Variants in DNM1L observed in about 807,000 individuals in gnomAD.
DNM1L encodes dynamin-1-like protein.
Under a neutral mutation model 92.8 loss-of-function variants are expected in DNM1L, and 33 were observed. That is an observed-to-expected ratio of 0.36 (90% CI 0.27 to 0.48). DNM1L has a LOEUF of 0.48. Among genes scored for constraint, DNM1L ranks in the 20% least tolerant of loss-of-function variants. DNM1L has a pLI of 0.99. For missense variants in DNM1L, 485 were observed against 888.8 expected (o/e 0.55, Z 5.78); for synonymous variants, 284 against 305.0 (o/e 0.93, Z 0.72).
chr12:32,736,094 CAG>C (rs1234694322), intron 13 of DNM1L, among the ~76,000 whole-genome samples: 2 of 111,922 alleles, frequency 1.8e-5, no homozygotes, highest in African/African-American at 7.1e-5. Context: ...TTTTTTAAGA[CAG>C]AGTCTCACTC....
intron 1 of DNM1L, among the ~76,000 whole-genome samples, chr12:32,687,270 C>G (rs912117588): frequency 6.6e-6 from 1 of 151,134 alleles, no homozygotes; most frequent in Middle Eastern, 3.4e-3. Flanking sequence ...ATAGTTTTGG[C>G]TTGTATATTT....
intron 1 of DNM1L, among the ~76,000 whole-genome samples, chr12:32,680,422 A>G (rs756551562): frequency 6.6e-6 from 1 of 152,232 alleles, no homozygotes; most frequent in Non-Finnish European, 1.5e-5. Context: ...CAGGAGGTAC[A>G]TAGTATAGGG....
rs1466385879 is a variant in DNM1L, at chr12:32,731,954, A to G, written c.1446+11A>G. The G allele has an allele frequency of 3.1e-6, 5 of 1,597,022 alleles. No individual in the cohort carries two copies. The highest frequency in any genetic ancestry group is 4.3e-6 in the Non-Finnish European group (5 of 1,164,782). ...GTTACAAATGAAATGGTGAGCTACT[A>G]TAGCATAGATCATTGTAATTACTAT... is the stretch of plus-strand genomic sequence containing the variant. On this transcript the variant is annotated intron_variant, in intron 12 of 19. Transcript: ENST00000549701. This position sits in a 1 kb window ranked among gnomAD's most constrained non-coding sequence, Gnocchi z 5.1.
chr12:32,731,907 T>C lies in DNM1L; in HGVS notation c.1410T>C (p.Cys470=), dbSNP rs1954580700. 6.2e-7 allele frequency: 1 copy of C among 1,613,932 alleles called. No homozygotes were observed. Among genetic ancestry groups the C allele is most frequent in the Admixed American group, 1.7e-5 (1 of 60,010 alleles). The change falls in exon 12 of 20, where the codon TGT becomes TGC. Residue 470 remains cysteine, a synonymous_variant. Transcript: ENST00000549701. This position sits in a 1 kb window ranked among gnomAD's most constrained non-coding sequence, Gnocchi z 5.1. ...ATGCCATAGTTGAAGTGGTGACTTG[T>C]CTTCTTCGTAAAAGGTTGCCTGTTA... ...LHDAIVEVVT[C]LLRKRLPVTN... is the part of the protein sequence containing the mutation.
At chr12:32,716,709 T>TAC (rs1410474385) in intron 6 of DNM1L, among the ~76,000 whole-genome samples, 1 of 146,574 alleles carries the variant, frequency 6.8e-6, no homozygotes, top group Non-Finnish European at 1.5e-5. Context: ...TTTATATATA[T>TAC]ACTATATATA....
At chr12:32,726,495 T>G in intron 9 of DNM1L, 2 of 1,033,316 alleles carry the variant, frequency 1.9e-6, no homozygotes, top group Non-Finnish European at 3.0e-6. Context: ...TTCATCATAC[T>G]CATCATCATC....
chr12:32,680,350 A>C (rs892467515), intron 1 of DNM1L, among the ~76,000 whole-genome samples: 1 of 152,188 alleles, frequency 6.6e-6, no homozygotes, highest in African/African-American at 2.4e-5. Context: ...ATTGATATTA[A>C]GTGCTTTCAT....
intron 1 of DNM1L, among the ~76,000 whole-genome samples, chr12:32,683,382 A>G (rs1392006824): frequency 6.7e-6 from 1 of 149,892 alleles, no homozygotes; most frequent in Non-Finnish European, 1.5e-5. Context: ...GCATCTGGCT[A>G]ATTTTTTTTT....
At chr12:32,679,803 G>T (rs1951736096) in intron 1 of DNM1L, 12 of 1,027,544 alleles carry the variant, frequency 1.2e-5, no homozygotes, top group Non-Finnish European at 1.4e-5. Context: ...CCTCGTCCGC[G>T]TGCCGCTGCC....
chr12:32,708,128 G>A (rs1952995186), intron 3 of DNM1L, 25 bp from the exon 4 acceptor site: 1 of 1,409,488 alleles, frequency 7.1e-7, no homozygotes, highest in East Asian at 2.3e-5. Flanking sequence ...TGAATATTAT[G>A]CTTTTTTATT....
intron 13 of DNM1L, among the ~76,000 whole-genome samples, chr12:32,736,111 G>A (rs1269492066): frequency 8.1e-6 from 1 of 124,206 alleles, no homozygotes; most frequent in Non-Finnish European, 1.6e-5. Flanking sequence ...TCACTCTGTC[G>A]CCCAGGCTGG....
intron 1 of DNM1L, among the ~76,000 whole-genome samples, chr12:32,698,712 G>C: frequency 6.6e-6 from 1 of 152,054 alleles, no homozygotes. Flanking sequence ...TAAGTTTATT[G>C]CAAACTTAAG....
chr12:32,715,004 A>G (rs542040279), intron 6 of DNM1L, among the ~76,000 whole-genome samples: 1 of 152,272 alleles, frequency 6.6e-6, no homozygotes, highest in Admixed American at 6.5e-5. Flanking sequence ...CGTAAAAAAC[A>G]AACAAAAACC....
At chr12:32,702,959 CTT>C (rs1952770821) in intron 2 of DNM1L, among the ~76,000 whole-genome samples, 1 of 149,818 alleles carries the variant, frequency 6.7e-6, no homozygotes, top group Admixed American at 6.7e-5. Context: ...TAGAATAACA[CTT>C]ATAAAATTTC....
rs756617688 is a variant in DNM1L, at chr12:32,743,414, G to C, written c.*4G>C. 15 of 1,613,916 alleles carry C rather than the reference G, an allele frequency of 9.3e-6. No individual in the cohort carries two copies. The South Asian group carries it at 1.4e-4, about 15-fold the overall frequency. On this transcript the variant is annotated 3_prime_UTR_variant, in exon 20 of 20. Coordinates refer to ENST00000549701, the MANE Select transcript of DNM1L (RefSeq NM_012062.5). Reference sequence around the variant, plus strand: ...CCGGGAGACTCATCTTTGGTGAAGAGAACTATGTAATACTGAGACTTTGTT... The same window carrying C: ...CCGGGAGACTCATCTTTGGTGAAGACAACTATGTAATACTGAGACTTTGTT...
intron 9 of DNM1L, chr12:32,728,451 T>G (rs145099371): frequency 1.0e-3 from 152 of 152,352 alleles, no homozygotes; most frequent in African/African-American, 3.5e-3. Flanking sequence ...ATTTAAATAC[T>G]TCTTATTGTT....
Position 32,718,767 on chromosome 12 carries a change from A to AT in DNM1L, c.740+4_740+5insT. 1 of 1,613,622 alleles carries AT rather than the reference A, an allele frequency of 6.2e-7. No individual in the cohort carries two copies. The highest frequency in any genetic ancestry group is 8.5e-7 in the Non-Finnish European group (1 of 1,179,680). ...GAATAATTGGAGTAGTTAACAGGTT[A>AT]GCAGTTAGAATGGGATAAGAATTGG... On this transcript the variant is annotated splice_donor_region_variant and intron_variant, in intron 7 of 19. Coordinates refer to ENST00000549701, the MANE Select transcript of DNM1L (RefSeq NM_012062.5).
chr12:32,690,614 A>G (rs1254108014), intron 1 of DNM1L, among the ~76,000 whole-genome samples: 4 of 152,218 alleles, frequency 2.6e-5, no homozygotes, highest in Admixed American at 2.6e-4. Flanking sequence ...TTACCTAATT[A>G]TATCTGGGCA....
chr12:32,690,990 T>G (rs977693527), intron 1 of DNM1L, among the ~76,000 whole-genome samples: 5 of 152,226 alleles, frequency 3.3e-5, no homozygotes, highest in African/African-American at 1.2e-4. Context: ...TTGTAACTTC[T>G]GTATTAGTTT....
Sources: gnomAD v4.1 joint callset for allele counts (sites outside exome capture counted in the v4.1 genomes callset) on GRCh38, gnomAD v4.1.1 for gene constraint, Gnocchi (gnomAD v3.1) non-coding constraint, MANE v1.5 for transcripts, NCBI Gene and HGNC (gene_info 2026-07-23, HGNC 2026-07-21) for gene names.